NOX4: variants seen among roughly 807,000 people sequenced by gnomAD.
NOX4 encodes the protein NADPH oxidase 4.
A neutral mutation model predicts 87.6 loss-of-function variants in NOX4; 69 were observed. That is an observed-to-expected ratio of 0.79 (90% confidence interval 0.65 to 0.96). The LOEUF (loss-of-function observed/expected upper bound fraction) is 0.96, where lower values mean the gene tolerates loss of function less well. Among genes scored for constraint, NOX4 ranks in the 40% least tolerant of loss-of-function variants. The pLI is 0.00. For missense variants in NOX4, 680 were observed against 681.5 expected, an observed-to-expected ratio of 1.00 and a Z score of 0.02; for synonymous variants, 275 against 238.2, an observed-to-expected ratio of 1.15 and a Z score of -1.42.
intron 6 of NOX4, among the ~76,000 whole-genome samples, 191 bp from the exon 7 acceptor site, chr11:89,433,047 A>G (rs758223508): frequency 6.6e-6 from 1 of 152,166 alleles, no homozygotes; most frequent in Non-Finnish European, 1.5e-5. Context: ...TTTGATTGAC[A>G]GATAATAATT....
intron 1 of NOX4, 168 bp from the exon 2 acceptor site, chr11:89,490,721 A>C (rs1190319675): frequency 1.4e-6 from 1 of 706,022 alleles, no homozygotes; most frequent in Non-Finnish European, 2.6e-6. Flanking sequence ...CACTCAGAGG[A>C]AAACAAATCT....
At chr11:89,581,077 A>G in the NOX4 span, among the ~76,000 whole-genome samples, 1 of 152,230 alleles carries the variant, frequency 6.6e-6, no homozygotes, top group African/African-American at 2.4e-5. Flanking sequence ...GAGGGTTGAC[A>G]GGTAAGCCAG....
At chr11:89,439,296 T>C (rs1944355973) in intron 6 of NOX4, among the ~76,000 whole-genome samples, 1 of 151,904 alleles carries the variant, frequency 6.6e-6, no homozygotes, top group Admixed American at 6.6e-5. Flanking sequence ...TCTGTACTTT[T>C]TGTTCTCACC....
the NOX4 span, among the ~76,000 whole-genome samples, chr11:89,581,113 G>T: frequency 1.3e-5 from 2 of 152,296 alleles, no homozygotes; most frequent in East Asian, 1.9e-4. Flanking sequence ...ACAAGAATCT[G>T]AGTATGAAGT....
intron 2 of NOX4, among the ~76,000 whole-genome samples, chr11:89,458,895 G>T (rs1372543201): frequency 6.6e-6 from 1 of 152,106 alleles, no homozygotes; most frequent in Non-Finnish European, 1.5e-5. Context: ...AAATAGTTTT[G>T]CAATTTCTCA....
chr11:89,458,962 C>T (rs770368141), intron 2 of NOX4, among the ~76,000 whole-genome samples: 7 of 151,908 alleles, frequency 4.6e-5, no homozygotes, highest in Non-Finnish European at 7.4e-5. Flanking sequence ...GAATATATAC[C>T]CAAAGGGATA....
rs144805013 is a variant in NOX4 at position 89,447,494 on chromosome 11, T to C, written c.349+1946A>G. 5.9e-5 allele frequency among the ~76,000 whole-genome samples: 9 copies of C among 152,268 alleles called. No homozygotes were observed. The East Asian group carries it at 1.7e-3, about 29-fold the overall frequency. On this transcript the variant is annotated intron_variant, in intron 4 of 17. Transcript: ENST00000263317. ...AAGCAGCTCAACCAAGCACTTTACA[T>C]AGATTTTCTCATTTGATTCTCAAAA...
intron 2 of NOX4, among the ~76,000 whole-genome samples, chr11:89,473,422 G>A (rs1946028906): frequency 1.4e-5 from 2 of 146,462 alleles, no homozygotes; most frequent in Admixed American, 1.4e-4. Flanking sequence ...ACATTCCTCT[G>A]AAAATTAGAA....
chr11:89,503,156 T>A (rs1307154763), upstream of NOX4, among the ~76,000 whole-genome samples: 1 of 151,998 alleles, frequency 6.6e-6, no homozygotes, highest in African/African-American at 2.4e-5. Context: ...TAGCAAAATA[T>A]GTTAAAATTC....
At chr11:89,347,277 C>T (rs1946256318) in intron 13 of NOX4, among the ~76,000 whole-genome samples, 1 of 152,142 alleles carries the variant, frequency 6.6e-6, no homozygotes, top group Non-Finnish European at 1.5e-5. Flanking sequence ...CCAGACAGGA[C>T]AATGTATCTC....
chr11:89,435,867 T>C (rs1350557324), intron 6 of NOX4, among the ~76,000 whole-genome samples: 2 of 152,144 alleles, frequency 1.3e-5, no homozygotes, highest in African/African-American at 4.8e-5. Context: ...ATCTCTTTTA[T>C]CTAAAGAATT....
the NOX4 span, among the ~76,000 whole-genome samples, chr11:89,539,137 A>T: frequency 1.3e-5 from 2 of 152,204 alleles, no homozygotes; most frequent in Non-Finnish European, 2.9e-5. Context: ...AAATAAAAAA[A>T]ATAATAAATT....
the NOX4 span, among the ~76,000 whole-genome samples, chr11:89,524,532 T>G: frequency 6.6e-6 from 1 of 152,094 alleles, no homozygotes; most frequent in African/African-American, 2.4e-5. Flanking sequence ...TGATTCATAC[T>G]CCTATGTAAG....
chr11:89,451,805 A>G lies in NOX4; in HGVS notation c.244T>C (p.Tyr82His). The G allele has an allele frequency of 1.9e-6, 3 of 1,612,430 alleles. No individual in the cohort carries two copies. Among genetic ancestry groups the G allele is most frequent in the Non-Finnish European group, 2.5e-6 (3 of 1,178,632 alleles). ...CTTACCTTCTGTGATCCTCGGAGGT[A>G]AGCCAAGAGTGTTCGGCACATGGGT... is the stretch of plus-strand genomic sequence containing the variant. ...LLPMCRTLLA[Y>H]LRGSQKVPSR... Residue 82 changes from tyrosine to histidine, a missense_variant, in exon 3 of 18, where the codon TAC becomes CAC. Transcript: ENST00000263317.
intron 7 of NOX4, among the ~76,000 whole-genome samples, chr11:89,427,155 G>T (rs1324866641): frequency 1.3e-5 from 2 of 152,186 alleles, no homozygotes; most frequent in Non-Finnish European, 2.9e-5. Context: ...ACCTGCAGCT[G>T]AGGGTCCTGA....
rs1941386585 is a variant in NOX4, at chr11:89,395,151, C to G, written c.1074+4866G>C. On this transcript the variant is annotated intron_variant, in intron 11 of 17. Transcript: ENST00000263317. ...AAAAGCATTCCTATTTCTCCACATCCTCTCCAGCATCTGTTGTTTCCTGAC... is the reference window on the plus strand; with the variant it reads ...AAAAGCATTCCTATTTCTCCACATCGTCTCCAGCATCTGTTGTTTCCTGAC... 2.0e-5 allele frequency among the ~76,000 whole-genome samples: 3 copies of G among 152,144 alleles called. No individual in the cohort carries two copies. The South Asian group carries it at 6.2e-4, about 32-fold the overall frequency.
chr11:89,475,013 T>C (rs920162044), intron 2 of NOX4, among the ~76,000 whole-genome samples: 1 of 140,390 alleles, frequency 7.1e-6, no homozygotes, highest in Non-Finnish European at 1.6e-5. Flanking sequence ...TGCAGAAATA[T>C]GGGAGTGTTT....
chr11:89,469,234 T>G (rs1945828240), intron 2 of NOX4, among the ~76,000 whole-genome samples: 1 of 152,178 alleles, frequency 6.6e-6, no homozygotes, highest in Admixed American at 6.5e-5. Flanking sequence ...ATTCTACATG[T>G]AAATATGTAC....
Position 89,325,747 on chromosome 11 carries a change from A to G in NOX4, c.*1009T>C, listed in dbSNP as rs1945194309. On this transcript the variant is annotated 3_prime_UTR_variant, in exon 18 of 18. Coordinates refer to ENST00000263317, the MANE Select transcript of NOX4 (RefSeq NM_016931.5). ...TATTCAGTCCCTACTGACACACATG[A>G]TGTCCTTTGGTCTCAAAGTGCAAAT... 2 of 152,018 alleles carry G rather than the reference A, an allele frequency of 1.3e-5. No homozygotes were observed. Among genetic ancestry groups the G allele is most frequent in the Admixed American group, 1.3e-4 (2 of 15,268 alleles). 9.4% of individuals were successfully genotyped at this position (152,018 alleles called of 1,614,324 possible).
Sources: allele counts gnomAD v4.1 joint callset (sites outside exome capture counted in the v4.1 genomes callset), GRCh38; gene constraint gnomAD v4.1.1; transcripts MANE v1.5; gene names NCBI Gene and HGNC (gene_info 2026-07-23, HGNC 2026-07-21).